The following ANK3 variants were observed in gnomAD, a reference collection of about 807,000 sequenced individuals.
ANK3 encodes ankyrin-3.
In ANK3, 57 loss-of-function variants were observed where a neutral mutation model predicts 370.9. The ratio of observed to expected loss-of-function variants is 0.15; its 90% CI spans 0.12 to 0.19. The LOEUF (loss-of-function observed/expected upper bound fraction) is 0.19. ANK3 is among the 10% of genes least tolerant of loss of function. ANK3 has a pLI of 1.00. For synonymous variants in ANK3, 1,929 were observed against 1,946.3 expected (o/e 0.99, Z 0.23); for missense variants, 4,439 against 5,302.1 (o/e 0.84, Z 5.06).
At chr10:60,604,223 T>G (rs180742475) in intron 2 of ANK3, among the ~76,000 whole-genome samples, 23 of 152,314 alleles carry the variant, frequency 1.5e-4, no homozygotes, top group African/African-American at 5.3e-4. Flanking sequence ...CAAAGCTACA[T>G]GTATGTTTTC....
chr10:60,223,338 T>C (rs2097092440), intron 8 of ANK3, among the ~76,000 whole-genome samples: 1 of 152,230 alleles, frequency 6.6e-6, no homozygotes, highest in South Asian at 2.1e-4. Flanking sequence ...TTCCTTGCTG[T>C]ATTCAGAGTT....
chr10:60,542,124 AT>A (rs937855251), intron 2 of ANK3, among the ~76,000 whole-genome samples: 4 of 151,544 alleles, frequency 2.6e-5, no homozygotes, highest in East Asian at 1.9e-4. Context: ...TTTGGCTGTA[AT>A]TTTTTTTAAT....
At chr10:60,336,090 CG>C (rs112016027) in intron 1 of ANK3, among the ~76,000 whole-genome samples, 4 of 148,800 alleles carry the variant, frequency 2.7e-5, no homozygotes, top group East Asian at 3.9e-4. Flanking sequence ...CATAGTTTGG[CG>C]GGGGGGGGAA....
At chr10:60,603,073 G>A (rs551926642) in intron 2 of ANK3, among the ~76,000 whole-genome samples, 1 of 152,204 alleles carries the variant, frequency 6.6e-6, no homozygotes, top group African/African-American at 2.4e-5. Flanking sequence ...GCCCTACTCA[G>A]CAAATGCTTG....
Position 60,270,219 on chromosome 10 carries a change from G to A in ANK3, c.425C>T (p.Thr142Met), listed in dbSNP as rs571102422. The A allele has an allele frequency of 5.7e-6, 9 of 1,580,816 alleles. No homozygotes were observed. The highest frequency in any genetic ancestry group is 4.1e-5 in the African/African-American group (3 of 73,400). The change falls in exon 5 of 44, where the codon ACG becomes ATG. Residue 142 changes from threonine to methionine, a missense_variant. Thr to Met is a moderately conservative substitution (Grantham distance 81, BLOSUM62 -1). Around this residue, in one of 13 missense-constraint regions of ANK3, gnomAD observed 136 missense variants for 230.5 expected, o/e 0.59. Transcript: ENST00000280772. The stretch of plus-strand genomic sequence containing the variant: ...TTCCTGGGCTGCCATATACAATGGC[G>A]TGAAACCATTCTGCAAAATAAGAAA... ...NVNAQSQNGF[T>M]PLYMAAQENH...
chr10:60,584,568 A>G (rs7072017), intron 2 of ANK3, among the ~76,000 whole-genome samples: 103,445 of 151,960 alleles, frequency 0.68, 35,864 homozygotes, highest in South Asian at 0.88. Context: ...AATGAGCTAT[A>G]ATTGCACCAC....
chr10:60,625,501 G>A (rs2078396750), intron 1 of ANK3, among the ~76,000 whole-genome samples: 1 of 152,100 alleles, frequency 6.6e-6, no homozygotes, highest in African/African-American at 2.4e-5. Flanking sequence ...GACGCAAAGA[G>A]CTTGACAACA....
At position 60,034,721 on chromosome 10, in the gene ANK3, G is replaced by C. The variant is rs564608433; in HGVS notation, c.*20-4895C>G. Among the ~76,000 whole-genome samples, 3 of 152,242 alleles carry C rather than the reference G, an allele frequency of 2.0e-5. No homozygotes were observed. The East Asian group carries it at 5.8e-4, about 29-fold the overall frequency. Reference sequence around the variant, plus strand: ...TTAGCTGTGTCATGGCTTAAGGAAAGCCTGAGCCCACTGAGGACAAAGAGG... The same window carrying C: ...TTAGCTGTGTCATGGCTTAAGGAAACCCTGAGCCCACTGAGGACAAAGAGG... On this transcript the variant is annotated intron_variant, in intron 43 of 43. Transcript: ENST00000280772.
At chr10:60,087,081 A>AATTGG (rs1355568638) in intron 29 of ANK3, among the ~76,000 whole-genome samples, 197 bp from the exon 30 acceptor site, 3 of 151,728 alleles carry the variant, frequency 2.0e-5, no homozygotes, top group Non-Finnish European at 2.9e-5. Flanking sequence ...CTATGACAGG[A>AATTGG]ATTGGTCAGT....
At chr10:60,247,960 C>A (rs547977025) in intron 7 of ANK3, among the ~76,000 whole-genome samples, 3 of 152,342 alleles carry the variant, frequency 2.0e-5, no homozygotes, top group African/African-American at 7.2e-5. Context: ...AGCCACTGCG[C>A]CTGGCCAGCA....
chr10:60,563,592 A>G (rs2077389937), intron 2 of ANK3, among the ~76,000 whole-genome samples: 1 of 152,232 alleles, frequency 6.6e-6, no homozygotes, highest in Non-Finnish European at 1.5e-5. Flanking sequence ...AATAAAGACT[A>G]TAAATAGCTT....
At chr10:60,194,492 G>A (rs11814752) in intron 16 of ANK3, among the ~76,000 whole-genome samples, 15,763 of 152,234 alleles carry the variant, frequency 0.1, 1,028 homozygotes, top group African/African-American at 0.17. Flanking sequence ...CATCATATAA[G>A]TAGAATCATA....
At chr10:60,489,134 G>C (rs562242233) in intron 2 of ANK3, among the ~76,000 whole-genome samples, 1 of 152,244 alleles carries the variant, frequency 6.6e-6, no homozygotes, top group African/African-American at 2.4e-5. Context: ...TAATCCAAAA[G>C]AGGCAAACAA....
chr10:60,076,288 C>A lies in ANK3; in HGVS notation c.4593G>T (p.Thr1531=), dbSNP rs746128899. The change falls in exon 37 of 44, where the codon ACG becomes ACT. Residue 1531 remains threonine, a synonymous_variant. Transcript: ENST00000280772. ...FTSLSSSSSN[T]PSASPLKSIW... is the part of the protein sequence containing the mutation. ...TTGATTTTAACGGAGAAGCTGATGG[C>A]GTATTAGAGGAAGAACTTGATAAGG... is the stretch of plus-strand genomic sequence containing the variant. 2 of 1,613,844 alleles carry A rather than the reference C, an allele frequency of 1.2e-6. No homozygotes were observed. The highest frequency in any genetic ancestry group is 1.7e-6 in the Non-Finnish European group (2 of 1,179,964).
At chr10:60,473,715 T>C (rs2074978542) in intron 2 of ANK3, among the ~76,000 whole-genome samples, 1 of 152,088 alleles carries the variant, frequency 6.6e-6, no homozygotes, top group African/African-American at 2.4e-5. Context: ...AGGGCAAATG[T>C]GGACATCTTC....
chr10:60,622,991 C>T (rs2078358365), intron 1 of ANK3, among the ~76,000 whole-genome samples: 1 of 152,184 alleles, frequency 6.6e-6, no homozygotes, highest in African/African-American at 2.4e-5. Flanking sequence ...CACCTCAGCC[C>T]ATACAGAACT....
intron 5 of ANK3, among the ~76,000 whole-genome samples, chr10:60,268,968 T>C (rs1018628597): frequency 7.9e-5 from 12 of 152,204 alleles, no homozygotes; most frequent in African/African-American, 2.9e-4. Context: ...TTTAGTGGTT[T>C]CCCTAGAAGG....
intron 28 of ANK3, among the ~76,000 whole-genome samples, chr10:60,089,197 ATCT>A (rs1334409331): frequency 6.6e-6 from 1 of 152,196 alleles, no homozygotes; most frequent in Non-Finnish European, 1.5e-5. Flanking sequence ...AAATGGATAC[ATCT>A]TCTTCCCTGC....
At chr10:60,445,996 A>G (rs1233294092) in intron 2 of ANK3, among the ~76,000 whole-genome samples, 1 of 152,218 alleles carries the variant, frequency 6.6e-6, no homozygotes, top group Non-Finnish European at 1.5e-5. Context: ...TGTTCTTAAA[A>G]TTACAACCTG....
Sources: allele counts gnomAD v4.1 joint callset (sites outside exome capture counted in the v4.1 genomes callset), GRCh38; gene constraint gnomAD v4.1.1; regional missense constraint gnomAD v4.1.1; transcripts MANE v1.5; gene names NCBI Gene and HGNC (gene_info 2026-07-23, HGNC 2026-07-21).